Variants in RAD50 observed in about 807,000 individuals in gnomAD.
RAD50 encodes DNA repair protein RAD50.
Under a neutral mutation model 168.8 loss-of-function variants are expected in RAD50, and 132 were observed. The observed-to-expected ratio is 0.78, with a 90% CI of 0.68 to 0.90. The LOEUF (loss-of-function observed/expected upper bound fraction) is 0.90, where lower values mean the gene tolerates loss of function less well. Among genes scored for constraint, RAD50 ranks in the 40% least tolerant of loss-of-function variants. RAD50 has a pLI of 0.00. For missense variants in RAD50, 1,347 were observed against 1,534.4 expected (o/e 0.88, Z 2.04); for synonymous variants, 525 against 497.4 (o/e 1.06, Z -0.74).
chr5:132,640,599 A>T, intron 23 of RAD50, 73 bp from the exon 24 acceptor site: 2 of 1,598,310 alleles, frequency 1.3e-6, no homozygotes, highest in Non-Finnish European at 1.7e-6. Flanking sequence ...TGAAAAGATC[A>T]TGTCAGGACT....
rs1750731461 is a variant in RAD50 at position 132,592,999 on chromosome 5, A to G, written c.1793+965A>G. The G allele has an allele frequency of 1.2e-5, 5 of 402,258 alleles. 1 individual carries two copies. The Admixed American group carries it at 1.3e-4, about 11-fold the overall frequency. 24.9% of individuals were successfully genotyped at this position (402,258 alleles called of 1,614,324 possible). A position where few individuals can be genotyped will look rare whatever the true frequency, so the allele number is the denominator to read the frequency against. On this transcript the variant is annotated intron_variant, in intron 11 of 24. Coordinates refer to ENST00000378823, the MANE Select transcript of RAD50 (RefSeq NM_005732.4). ...GGTGTTGGCTATTGTTTCTGCTGTT[A>G]ATCATTGATCTTCTTCAGTTAGGGC... is the stretch of plus-strand genomic sequence containing the variant.
At position 132,566,552 on chromosome 5, in the gene RAD50, A is replaced by T. The variant is rs189515661; in HGVS notation, c.213+7185A>T. ...CAGCGACTTCTTCCTCTTTACCTCC[A>T]TCCTCAACCCTTGTCCAGGCTGCCT... On this transcript the variant is annotated intron_variant, in intron 2 of 24. Coordinates refer to ENST00000378823, the MANE Select transcript of RAD50 (RefSeq NM_005732.4). Among the ~76,000 whole-genome samples the T allele has an allele frequency of 7.9e-5, 12 of 152,026 alleles. No homozygotes were observed. The South Asian group carries it at 2.5e-3, about 32-fold the overall frequency.
chr5:132,596,278 G>T, intron 13 of RAD50, among the ~76,000 whole-genome samples: 1 of 152,174 alleles, frequency 6.6e-6, no homozygotes, highest in East Asian at 1.9e-4. Context: ...TCACAGGTGT[G>T]AGCACCGTGC....
intron 5 of RAD50, among the ~76,000 whole-genome samples, chr5:132,584,597 A>G (rs1173330789): frequency 2.0e-5 from 3 of 152,206 alleles, no homozygotes; most frequent in Non-Finnish European, 4.4e-5. Flanking sequence ...ATTACTGGGT[A>G]TATACCCAAA....
intron 21 of RAD50, among the ~76,000 whole-genome samples, chr5:132,636,807 G>T (rs529670373): frequency 2.5e-4 from 38 of 152,250 alleles, no homozygotes; most frequent in African/African-American, 8.9e-4. Context: ...TATGTTTCCT[G>T]AAGTTTTCAC....
At position 132,646,319 on chromosome 5, in the gene RAD50, A is replaced by G. The variant is rs959666753; in HGVS notation, c.*3955A>G. On this transcript the variant is annotated 3_prime_UTR_variant, in exon 25 of 25. Coordinates refer to ENST00000378823, the MANE Select transcript of RAD50 (RefSeq NM_005732.4). ...GGCATCTATCTGCACTTGAATATCT[A>G]ATAAACGTCTAAAACTTAAAATGAC... is the stretch of plus-strand genomic sequence containing the variant. The G allele has an allele frequency of 6.6e-6, 1 of 152,208 alleles. No homozygotes were observed. The highest frequency in any genetic ancestry group is 1.5e-5 in the Non-Finnish European group (1 of 68,044). 9.4% of individuals were successfully genotyped at this position (152,208 alleles called of 1,614,324 possible).
chr5:132,637,382 C>A (rs905840669), intron 22 of RAD50, among the ~76,000 whole-genome samples, 182 bp downstream of exon 22: 3 of 152,098 alleles, frequency 2.0e-5, no homozygotes, highest in African/African-American at 7.2e-5. Context: ...GTTTTCTGTT[C>A]CAGAGCCTAA....
chr5:132,615,534 G>C (rs756994089), intron 19 of RAD50, among the ~76,000 whole-genome samples: 1 of 152,104 alleles, frequency 6.6e-6, no homozygotes, highest in Non-Finnish European at 1.5e-5. Context: ...TAGTAGTATT[G>C]ATCTCTTATA....
At chr5:132,580,947 T>C (rs1040344011) in intron 5 of RAD50, among the ~76,000 whole-genome samples, 1 of 152,096 alleles carries the variant, frequency 6.6e-6, no homozygotes, top group Non-Finnish European at 1.5e-5. Context: ...CTTTGAATCA[T>C]GAAGTAGAAA....
At chr5:132,603,113 G>A (rs939919286) in intron 13 of RAD50, among the ~76,000 whole-genome samples, 187 bp from the exon 14 acceptor site, 6 of 152,238 alleles carry the variant, frequency 3.9e-5, no homozygotes, top group East Asian at 1.9e-4. Flanking sequence ...CACCATCTAA[G>A]CCAAGTGAAT....
At chr5:132,633,197 C>T (rs112235276) in intron 21 of RAD50, among the ~76,000 whole-genome samples, 2,344 of 151,188 alleles carry the variant, frequency 0.016, 26 homozygotes, top group Non-Finnish European at 0.023. Flanking sequence ...CTCCATCTCC[C>T]GGGTTGAAGC....
chr5:132,575,902 T>C lies in RAD50; in HGVS notation c.339T>C (p.Thr113=). Residue 113 remains threonine, a synonymous_variant, in exon 3 of 25, where the codon ACT becomes ACC. Transcript: ENST00000378823. ...AAAGCAAAAAGACAGAATTTAAAAC[T>C]CTGGAAGGAGTCATTACTAGAACAA... is the stretch of plus-strand genomic sequence containing the variant. ...TQKSKKTEFK[T]LEGVITRTKH... 1.2e-6 allele frequency: 2 copies of C among 1,611,152 alleles called. No homozygotes were observed. The highest frequency in any genetic ancestry group is 1.7e-6 in the Non-Finnish European group (2 of 1,177,396).
At chr5:132,628,718 T>C (rs906215201) in intron 21 of RAD50, among the ~76,000 whole-genome samples, 9 of 151,854 alleles carry the variant, frequency 5.9e-5, no homozygotes, top group African/African-American at 2.2e-4. Context: ...TGGTGGTGCC[T>C]AGCCTGTAAT....
In RAD50 at chr5:132,579,320, T is replaced by C. The variant is rs1750458963; in HGVS notation, c.369T>C (p.His123=). 2 of 1,613,532 alleles carry C rather than the reference T, an allele frequency of 1.2e-6. No individual in the cohort carries two copies. Among genetic ancestry groups the C allele is most frequent in the African/African-American group, 1.3e-5 (1 of 74,918 alleles). The change falls in exon 4 of 25, where the codon CAT becomes CAC. Residue 123 remains histidine, a synonymous_variant. Coordinates refer to ENST00000378823, the MANE Select transcript of RAD50 (RefSeq NM_005732.4). ...TCTTGATTTTCATTTTCTGTAGGCA[T>C]GGTGAAAAGGTCAGTCTGAGCTCTA... ...TLEGVITRTK[H]GEKVSLSSKC...
At chr5:132,595,284 G>T in intron 12 of RAD50, 1 of 579,136 alleles carries the variant, frequency 1.7e-6, no homozygotes, top group Non-Finnish European at 3.0e-6. Flanking sequence ...GTGTGAATGA[G>T]ATTGTAATTA....
intron 11 of RAD50, among the ~76,000 whole-genome samples, 164 bp downstream of exon 11, chr5:132,592,198 A>G (rs1451337368): frequency 1.3e-5 from 2 of 152,218 alleles, no homozygotes; most frequent in South Asian, 2.1e-4. Context: ...ATGGAATTAA[A>G]AGATAAAAAT....
chr5:132,571,064 A>G (rs1750294885), intron 2 of RAD50, among the ~76,000 whole-genome samples: 1 of 152,134 alleles, frequency 6.6e-6, no homozygotes, highest in Non-Finnish European at 1.5e-5. Flanking sequence ...GTCAGGACAC[A>G]CACGTTAATG....
In RAD50 at chr5:132,644,119, C is replaced by T. The variant is rs1489900967; in HGVS notation, c.*1755C>T. ...TGCTAGTTGTTGCAGCAAAGAATAA[C>T]AAAGGCAATACACGATCAATATAGG... On this transcript the variant is annotated 3_prime_UTR_variant, in exon 25 of 25. Transcript: ENST00000378823. 5.2e-6 allele frequency: 1 copy of T among 190,518 alleles called. No homozygotes were observed. The highest frequency in any genetic ancestry group is 1.1e-5 in the Non-Finnish European group (1 of 90,922). The allele number at this position is 190,518 out of a possible 1,614,324, so 11.8% of individuals were successfully genotyped here. A position where few individuals can be genotyped will look rare whatever the true frequency, so the allele number is the denominator to read the frequency against.
intron 11 of RAD50, chr5:132,593,172 G>T (rs369376924): frequency 9.9e-6 from 2 of 201,086 alleles, no homozygotes; most frequent in South Asian, 1.7e-4. Flanking sequence ...TCATAAACTT[G>T]TTGTAAAGTA....
Sources: gnomAD v4.1 joint callset for allele counts (sites outside exome capture counted in the v4.1 genomes callset) on GRCh38, gnomAD v4.1.1 for gene constraint, MANE v1.5 for transcripts, NCBI Gene and HGNC (gene_info 2026-07-23, HGNC 2026-07-21) for gene names.